The following CSMD1 variants were observed in gnomAD, a reference collection of about 807,000 sequenced individuals.
The protein encoded by CSMD1 is CUB and sushi domain-containing protein 1.
In CSMD1, 213 loss-of-function variants were observed where a neutral mutation model predicts 417.5. That is an observed-to-expected ratio of 0.51 (90% CI 0.46 to 0.57). The LOEUF is 0.57. Ranked by LOEUF, CSMD1 falls within the 20% of genes least tolerant of loss-of-function variation. CSMD1 has a pLI of 0.00. For synonymous variants in CSMD1, 2,862 were observed against 1,736.8 expected, an observed-to-expected ratio of 1.65 and a Z score of -16.11; for missense variants, 6,923 against 4,529.7, an observed-to-expected ratio of 1.53 and a Z score of -15.17.
chr8:3,473,771 C>T (rs914804275), intron 11 of CSMD1, among the ~76,000 whole-genome samples: 1 of 152,146 alleles, frequency 6.6e-6, no homozygotes, highest in Non-Finnish European at 1.5e-5. Context: ...TCTACTCTCA[C>T]ACTGCTATGA....
At chr8:4,578,789 G>C (rs551251934) in intron 2 of CSMD1, among the ~76,000 whole-genome samples, 2 of 147,814 alleles carry the variant, frequency 1.4e-5, no homozygotes, top group East Asian at 2.0e-4. Context: ...ACTCTAGCCT[G>C]GGTGACAGAG....
At chr8:4,912,621 G>C (rs1585314748) in intron 1 of CSMD1, among the ~76,000 whole-genome samples, 4 of 152,074 alleles carry the variant, frequency 2.6e-5, no homozygotes, top group Admixed American at 2.6e-4. Context: ...AAGTTTGTTT[G>C]GCTTCCTTTG....
intron 3 of CSMD1, among the ~76,000 whole-genome samples, chr8:4,149,020 G>C (rs537345533): frequency 1.4e-3 from 211 of 150,460 alleles, no homozygotes; most frequent in Middle Eastern, 0.01. Context: ...CTGGAGTGCA[G>C]TGGCACAATC....
chr8:4,606,077 G>A (rs1421407323), intron 2 of CSMD1, among the ~76,000 whole-genome samples: 1 of 152,116 alleles, frequency 6.6e-6, no homozygotes, highest in Admixed American at 6.6e-5. Flanking sequence ...TGCGGTGGTG[G>A]GAGGCTATAT....
chr8:4,358,448 G>A (rs891770287), intron 3 of CSMD1, among the ~76,000 whole-genome samples: 6 of 152,184 alleles, frequency 3.9e-5, no homozygotes, highest in East Asian at 3.9e-4. Flanking sequence ...CCACACAGTC[G>A]GCCTGGGGGG....
At chr8:3,850,280 C>T (rs1052778825) in intron 5 of CSMD1, among the ~76,000 whole-genome samples, 4 of 152,196 alleles carry the variant, frequency 2.6e-5, no homozygotes, top group African/African-American at 9.7e-5. Context: ...AATATGTGCA[C>T]AGTGTTCTCT....
chr8:4,156,424 T>C (rs932963414), intron 3 of CSMD1, among the ~76,000 whole-genome samples: 5 of 152,206 alleles, frequency 3.3e-5, no homozygotes, highest in African/African-American at 1.2e-4. Context: ...CTGTACTGAC[T>C]TGAGAAAGAA....
chr8:3,410,342 C>A (rs1485027515), intron 12 of CSMD1, among the ~76,000 whole-genome samples: 1 of 152,162 alleles, frequency 6.6e-6, no homozygotes, highest in Non-Finnish European at 1.5e-5. Context: ...GAGACAAAAT[C>A]CTCGCACACA....
At chr8:4,130,815 A>G (rs997014834) in intron 3 of CSMD1, among the ~76,000 whole-genome samples, 1 of 151,714 alleles carries the variant, frequency 6.6e-6, no homozygotes, top group Admixed American at 6.6e-5. Flanking sequence ...ATATTTGTAT[A>G]TATAATATTG....
chr8:4,106,752 C>A (rs536252026), intron 3 of CSMD1, among the ~76,000 whole-genome samples: 1 of 151,872 alleles, frequency 6.6e-6, no homozygotes, highest in African/African-American at 2.4e-5. Flanking sequence ...CAACAGACCC[C>A]GCACAGCTAG....
At chr8:4,548,190 T>G (rs776228864) in intron 2 of CSMD1, among the ~76,000 whole-genome samples, 3 of 152,164 alleles carry the variant, frequency 2.0e-5, no homozygotes, top group African/African-American at 4.8e-5. Flanking sequence ...ATGTTGGGCC[T>G]AACATAGCGC....
At chr8:3,757,361 A>C (rs555979003) in intron 5 of CSMD1, among the ~76,000 whole-genome samples, 1 of 152,350 alleles carries the variant, frequency 6.6e-6, no homozygotes, top group East Asian at 1.9e-4. Flanking sequence ...AAGTAGCCAT[A>C]AAATGGCAGT....
At chr8:4,980,552 T>C (rs1292403867) in intron 1 of CSMD1, among the ~76,000 whole-genome samples, 1 of 152,208 alleles carries the variant, frequency 6.6e-6, no homozygotes, top group African/African-American at 2.4e-5. Flanking sequence ...TGAAATCCTC[T>C]GGACAAAAAT....
chr8:4,963,975 T>C (rs545135620), intron 1 of CSMD1, among the ~76,000 whole-genome samples: 1 of 152,256 alleles, frequency 6.6e-6, no homozygotes, highest in Non-Finnish European at 1.5e-5. Context: ...AACATATAGA[T>C]TGTCAAATCC....
At chr8:4,777,102 A>C (rs1392488454) in intron 1 of CSMD1, among the ~76,000 whole-genome samples, 1 of 152,192 alleles carries the variant, frequency 6.6e-6, no homozygotes, top group Non-Finnish European at 1.5e-5. Flanking sequence ...CTTGGTAATA[A>C]TGCTGCCAGA....
chr8:3,346,284 T>C (rs1807988005), intron 22 of CSMD1, among the ~76,000 whole-genome samples: 1 of 152,244 alleles, frequency 6.6e-6, no homozygotes, highest in African/African-American at 2.4e-5. Context: ...TTCCTTCCAT[T>C]GCAATAATAT....
chr8:3,653,077 T>C (rs1444214316), intron 7 of CSMD1, among the ~76,000 whole-genome samples: 5 of 152,180 alleles, frequency 3.3e-5, no homozygotes, highest in Admixed American at 3.3e-4. Flanking sequence ...TAAAGACTCA[T>C]TCATCAACGT....
At chr8:4,657,267 G>A (rs1218080288) in intron 1 of CSMD1, among the ~76,000 whole-genome samples, 1 of 152,194 alleles carries the variant, frequency 6.6e-6, no homozygotes, top group South Asian at 2.1e-4. Flanking sequence ...GAAAAACTAA[G>A]GCAGAGTTGT....
intron 41 of CSMD1, among the ~76,000 whole-genome samples, chr8:3,123,087 C>T (rs1439946117): frequency 6.6e-6 from 1 of 152,142 alleles, no homozygotes; most frequent in Non-Finnish European, 1.5e-5. Context: ...TTGTTGTTAT[C>T]ACCTATTTGA....
Sources: gnomAD v4.1 joint callset for allele counts (sites outside exome capture counted in the v4.1 genomes callset) on GRCh38, gnomAD v4.1.1 for gene constraint, MANE v1.5 for transcripts, NCBI Gene and HGNC (gene_info 2026-07-23, HGNC 2026-07-21) for gene names.